SGK3: variants seen among roughly 807,000 people sequenced by gnomAD.
SGK3 encodes the protein serum/glucocorticoid regulated kinase family member 3, also known as serine/threonine-protein kinase Sgk3.
A neutral mutation model predicts 68.5 loss-of-function variants in SGK3; 47 were observed. The ratio of observed to expected loss-of-function variants is 0.69; its 90% CI spans 0.54 to 0.87. SGK3 has a LOEUF of 0.87. Among genes scored for constraint, SGK3 ranks in the 40% least tolerant of loss-of-function variants. SGK3 has a pLI of 0.00. For missense variants in SGK3, 479 were observed against 575.5 expected, an observed-to-expected ratio of 0.83 and a Z score of 1.72; for synonymous variants, 181 against 189.1, an observed-to-expected ratio of 0.96 and a Z score of 0.35.
intron 16 of SGK3, among the ~76,000 whole-genome samples, chr8:66,857,126 A>G (rs1810543711): frequency 6.6e-6 from 1 of 152,176 alleles, no homozygotes; most frequent in African/African-American, 2.4e-5. Context: ...TTTTGTAGCC[A>G]GAATCCAAGA....
chr8:66,730,912 C>A (rs981688321), intron 1 of SGK3, among the ~76,000 whole-genome samples: 5 of 151,922 alleles, frequency 3.3e-5, no homozygotes, highest in African/African-American at 4.8e-5. Context: ...GTCTCCAACT[C>A]CTGACCTCAG....
intron 4 of SGK3, among the ~76,000 whole-genome samples, chr8:66,807,717 G>A (rs1194934023): frequency 3.3e-5 from 5 of 152,160 alleles, no homozygotes; most frequent in Non-Finnish European, 7.4e-5. Flanking sequence ...GTTGAGGGGA[G>A]TTTGGTAGTG....
chr8:66,744,224 T>C (rs1414138794), intron 1 of SGK3, among the ~76,000 whole-genome samples: 1 of 152,020 alleles, frequency 6.6e-6, no homozygotes, highest in African/African-American at 2.4e-5. Flanking sequence ...TCCTTTAGAC[T>C]TTTAGAGGCA....
At chr8:66,840,695 C>T (rs1010294669) in intron 12 of SGK3, 3 of 212,536 alleles carry the variant, frequency 1.4e-5, no homozygotes, top group South Asian at 1.6e-4. Flanking sequence ...TGGTGGCTCA[C>T]GCCTGTAGTC....
chr8:66,767,450 G>T, intron 1 of SGK3: 1 of 1,411,250 alleles, frequency 7.1e-7, no homozygotes, highest in Non-Finnish European at 1.0e-6. Context: ...AGGGTCAACA[G>T]AATGCTTAAA....
At chr8:66,722,515 G>A (rs773205513) in intron 1 of SGK3, among the ~76,000 whole-genome samples, 1 of 152,148 alleles carries the variant, frequency 6.6e-6, no homozygotes, top group Non-Finnish European at 1.5e-5. Flanking sequence ...CTCGTGATCC[G>A]CCCACCTTGG....
At chr8:66,726,754 T>C (rs1374921050) in intron 1 of SGK3, among the ~76,000 whole-genome samples, 1 of 146,394 alleles carries the variant, frequency 6.8e-6, no homozygotes, top group Admixed American at 6.9e-5. Context: ...TGAGCCATGA[T>C]TGCTCTGCTG....
intron 2 of SGK3, among the ~76,000 whole-genome samples, chr8:66,794,928 GA>G (rs1807615746): frequency 6.6e-6 from 1 of 152,200 alleles, no homozygotes; most frequent in Non-Finnish European, 1.5e-5. Context: ...ACTAACCTGT[GA>G]TCTCTTTGTT....
chr8:66,753,249 T>C (rs912755306), intron 1 of SGK3, among the ~76,000 whole-genome samples: 1 of 152,156 alleles, frequency 6.6e-6, no homozygotes, highest in African/African-American at 2.4e-5. Context: ...GTTACACAGT[T>C]CCTAAGAGGT....
rs1810689245 is a variant in SGK3 at position 66,859,921 on chromosome 8, T to A, written c.*340T>A. ...AACATCTACCCAAGATAGACTGTTT[T>A]TTAACAGTCAATTTCAGTTCAGCTA... On this transcript the variant is annotated 3_prime_UTR_variant, in exon 17 of 17. Coordinates refer to ENST00000521198, the MANE Select transcript of SGK3 (RefSeq NM_001033578.3). The A allele has an allele frequency of 1.1e-5, 2 of 174,194 alleles. No homozygotes were observed. The highest frequency in any genetic ancestry group is 2.4e-5 in the African/African-American group (1 of 42,172). 10.8% of individuals were successfully genotyped at this position (174,194 alleles called of 1,614,324 possible).
chr8:66,742,510 AT>A (rs1805512736), intron 1 of SGK3, among the ~76,000 whole-genome samples: 2 of 151,818 alleles, frequency 1.3e-5, no homozygotes, highest in African/African-American at 4.8e-5. Flanking sequence ...GGGACTACAG[AT>A]GTATGCCACC....
At chr8:66,810,729 A>G (rs962461993) in intron 4 of SGK3, among the ~76,000 whole-genome samples, 5 of 152,164 alleles carry the variant, frequency 3.3e-5, no homozygotes, top group African/African-American at 1.2e-4. Flanking sequence ...AAATAAAATC[A>G]TACCTGAGAA....
intron 1 of SGK3, among the ~76,000 whole-genome samples, chr8:66,757,374 A>G (rs1806010723): frequency 6.6e-6 from 1 of 151,776 alleles, no homozygotes; most frequent in Non-Finnish European, 1.5e-5. Context: ...CCTGGGGTCA[A>G]GTGATTCTCC....
chr8:66,793,342 A>G (rs1249137390), intron 1 of SGK3, among the ~76,000 whole-genome samples: 1 of 152,198 alleles, frequency 6.6e-6, no homozygotes, highest in Non-Finnish European at 1.5e-5. Context: ...CTCCAACTAG[A>G]TCTTTTCTAG....
Position 66,835,743 on chromosome 8 carries a change from C to T in SGK3, c.526-20C>T. The T allele has an allele frequency of 6.2e-7, 1 of 1,605,176 alleles. No homozygotes were observed. ...AATTTGAAATTTCTAATAGTATACA[C>T]TAATGTTTAACTATAACAGGTTCTT... is the stretch of plus-strand genomic sequence containing the variant. On this transcript the variant is annotated intron_variant, in intron 8 of 16. Coordinates refer to ENST00000521198, the MANE Select transcript of SGK3 (RefSeq NM_001033578.3).
At chr8:66,723,814 A>G (rs1804895075) in intron 1 of SGK3, among the ~76,000 whole-genome samples, 1 of 152,178 alleles carries the variant, frequency 6.6e-6, no homozygotes, top group African/African-American at 2.4e-5. Context: ...ACAGTTGACA[A>G]TTTAGTCCAT....
Position 66,839,992 on chromosome 8 carries a change from C to A in SGK3, c.742-11C>A. The A allele has an allele frequency of 1.9e-6, 3 of 1,612,616 alleles. No homozygotes were observed. The highest frequency in any genetic ancestry group is 1.3e-5 in the African/African-American group (1 of 74,928). ...TTCTCTCTCCCCCCACCCCCACAAC[C>A]AATTTGACAGCTTTTTTTCCACTTA... On this transcript the variant is annotated splice_polypyrimidine_tract_variant and intron_variant, in intron 10 of 16. Transcript: ENST00000521198.
At chr8:66,846,287 C>G (rs2130737261) in intron 14 of SGK3, among the ~76,000 whole-genome samples, 1 of 152,184 alleles carries the variant, frequency 6.6e-6, no homozygotes, top group African/African-American at 2.4e-5. Flanking sequence ...GTACAGAAAC[C>G]TGTACAGCTC....
At chr8:66,812,896 CT>C (rs1808436001) in intron 4 of SGK3, among the ~76,000 whole-genome samples, 1 of 152,168 alleles carries the variant, frequency 6.6e-6, no homozygotes, top group South Asian at 2.1e-4. Flanking sequence ...AAGGTTTGTG[CT>C]TAATATTTAT....
Sources: allele counts gnomAD v4.1 joint callset (sites outside exome capture counted in the v4.1 genomes callset), GRCh38; gene constraint gnomAD v4.1.1; transcripts MANE v1.5; gene names NCBI Gene and HGNC (gene_info 2026-07-23, HGNC 2026-07-21).